The following OCA2 variants were observed in gnomAD, a reference collection of about 807,000 sequenced individuals.
The protein encoded by OCA2 is OCA2 melanosomal transmembrane protein.
In OCA2, 77 loss-of-function variants were observed where a neutral mutation model predicts 100.2. That is an observed-to-expected ratio of 0.77 (90% CI 0.64 to 0.93). The LOEUF (loss-of-function observed/expected upper bound fraction) is 0.93. Among genes scored for constraint, OCA2 ranks in the 40% least tolerant of loss-of-function variants. OCA2 has a pLI of 0.00. For synonymous variants in OCA2, 432 were observed against 439.2 expected, an observed-to-expected ratio of 0.98 and a Z score of 0.21; for missense variants, 1,062 against 1,089.1, an observed-to-expected ratio of 0.98 and a Z score of 0.35.
intron 23 of OCA2, among the ~76,000 whole-genome samples, chr15:27,835,741 C>T (rs191546745): frequency 1.2e-4 from 19 of 152,292 alleles, no homozygotes; most frequent in Admixed American, 3.3e-4. Context: ...TCATCACCCC[C>T]GTCAGTGTGA....
Position 27,823,025 on chromosome 15 carries a change from T to G in OCA2, c.2432+21934A>C, listed in dbSNP as rs143458104. 6.1e-3 allele frequency among the ~76,000 whole-genome samples: 922 copies of G among 152,380 alleles called. 15 individuals carry two copies. The highest frequency in any genetic ancestry group is 0.02 in the African/African-American group (837 of 41,590). On this transcript the variant is annotated intron_variant, in intron 23 of 23. Transcript: ENST00000354638. ...ATCTACGGTCCATATAGAAATGATC[T>G]GTGTGTACGGAATGAGGTAGGGATA...
At chr15:28,004,550 A>G (rs111679558) in intron 9 of OCA2, among the ~76,000 whole-genome samples, 1,771 of 151,738 alleles carry the variant, frequency 0.012, 38 homozygotes, top group African/African-American at 0.041. Flanking sequence ...CCTCCCTCAC[A>G]TGCCCACACA....
chr15:28,065,422 A>T (rs911651198), intron 2 of OCA2, among the ~76,000 whole-genome samples: 1 of 152,130 alleles, frequency 6.6e-6, no homozygotes, highest in Non-Finnish European at 1.5e-5. Flanking sequence ...ACTCTCTGAC[A>T]GTATCTTCAA....
intron 2 of OCA2, among the ~76,000 whole-genome samples, chr15:28,048,414 G>T (rs1218179970): frequency 6.6e-6 from 1 of 152,146 alleles, no homozygotes; most frequent in Non-Finnish European, 1.5e-5. Flanking sequence ...CAGTTTTGTG[G>T]CAAGAGTGCA....
chr15:28,005,065 C>A (rs1460472768), intron 9 of OCA2, among the ~76,000 whole-genome samples: 2 of 152,136 alleles, frequency 1.3e-5, no homozygotes, highest in African/African-American at 4.8e-5. Flanking sequence ...TCGCACTGCC[C>A]CTGCGAGCTG....
chr15:27,805,681 A>AG (rs2033810635), intron 23 of OCA2, among the ~76,000 whole-genome samples: 1 of 152,062 alleles, frequency 6.6e-6, no homozygotes, highest in South Asian at 2.1e-4. Context: ...AGCAGAAATG[A>AG]GGGTGGCAGG....
chr15:28,061,009 C>G (rs1454693189), intron 2 of OCA2, among the ~76,000 whole-genome samples: 1 of 152,224 alleles, frequency 6.6e-6, no homozygotes, highest in East Asian at 1.9e-4. Context: ...TCACAGCTTC[C>G]TGAGGCAGCA....
intron 23 of OCA2, among the ~76,000 whole-genome samples, chr15:27,817,092 G>C (rs1364653630): frequency 2.0e-5 from 3 of 152,088 alleles, no homozygotes; most frequent in Non-Finnish European, 4.4e-5. Context: ...CTGCGCTCCT[G>C]GCATCCTTAC....
intron 19 of OCA2, among the ~76,000 whole-genome samples, chr15:27,901,707 A>C (rs994740259): frequency 1.3e-5 from 2 of 152,262 alleles, no homozygotes; most frequent in African/African-American, 4.8e-5. Flanking sequence ...AAAGGGGAAA[A>C]GCTGATGATA....
At chr15:27,829,993 GTTATT>G (rs1422218296) in intron 23 of OCA2, among the ~76,000 whole-genome samples, 2 of 152,138 alleles carry the variant, frequency 1.3e-5, no homozygotes, top group East Asian at 1.9e-4. Context: ...TTCTCTTGAT[GTTATT>G]TTAAGGTTTA....
chr15:27,958,628 G>A (rs562050545), intron 15 of OCA2, among the ~76,000 whole-genome samples: 2 of 152,302 alleles, frequency 1.3e-5, no homozygotes, highest in East Asian at 3.9e-4. Context: ...GAGAAGAGTA[G>A]AGAGGAAATG....
Position 27,957,473 on chromosome 15 carries a change from A to G in OCA2, c.1784+115T>C. On this transcript the variant is annotated intron_variant, in intron 16 of 23. Coordinates refer to ENST00000354638, the MANE Select transcript of OCA2 (RefSeq NM_000275.3). The surrounding 1 kb of genome is among the most constrained non-coding windows in gnomAD (Gnocchi z 4.3). ...AAATGTACTATAAGAGGCTTAGCACAGTGTGCGTCACCTAAATATCACGTA... is the reference window on the plus strand; with the variant it reads ...AAATGTACTATAAGAGGCTTAGCACGGTGTGCGTCACCTAAATATCACGTA... 1.6e-6 allele frequency: 2 copies of G among 1,242,744 alleles called. No individual in the cohort carries two copies. The highest frequency in any genetic ancestry group is 2.9e-5 in the African/African-American group (2 of 68,102). The allele number at this position is 1,242,744 out of a possible 1,614,324, so 77.0% of individuals were successfully genotyped here. A position where few individuals can be genotyped will look rare whatever the true frequency, so the allele number is the denominator to read the frequency against.
At chr15:27,749,685 A>T in the OCA2 span, among the ~76,000 whole-genome samples, 2 of 152,172 alleles carry the variant, frequency 1.3e-5, no homozygotes, top group Non-Finnish European at 2.9e-5. Flanking sequence ...TCACATTTCT[A>T]CACGTTAATT....
chr15:28,098,624 A>G (rs908618304), intron 1 of OCA2, among the ~76,000 whole-genome samples: 4 of 152,204 alleles, frequency 2.6e-5, no homozygotes, highest in East Asian at 1.9e-4. Context: ...GATTCGCCCA[A>G]TGGGAAGGGA....
At chr15:27,852,296 C>G (rs941408034) in intron 21 of OCA2, among the ~76,000 whole-genome samples, 1 of 152,038 alleles carries the variant, frequency 6.6e-6, no homozygotes, top group Admixed American at 6.6e-5. Flanking sequence ...AGTTTTCCCA[C>G]CACCATTTAT....
the OCA2 span, among the ~76,000 whole-genome samples, chr15:27,740,843 G>C: frequency 9.9e-5 from 15 of 152,212 alleles, no homozygotes; most frequent in Non-Finnish European, 2.9e-5. Flanking sequence ...CAGCAGATCT[G>C]AGAGAAGCTC....
the OCA2 span, among the ~76,000 whole-genome samples, chr15:27,735,440 A>T: frequency 6.1e-4 from 93 of 152,322 alleles, 2 homozygotes; most frequent in South Asian, 0.011. Context: ...GGTAGAAAGG[A>T]TATTTAAAGA....
At chr15:27,970,464 A>C (rs2040736757) in intron 14 of OCA2, among the ~76,000 whole-genome samples, 1 of 152,194 alleles carries the variant, frequency 6.6e-6, no homozygotes, top group Non-Finnish European at 1.5e-5. Context: ...ACGCAGGAAA[A>C]ACGCCCCAGC....
chr15:27,840,578 C>T (rs1193308327), intron 23 of OCA2, among the ~76,000 whole-genome samples: 1 of 152,172 alleles, frequency 6.6e-6, no homozygotes, highest in Non-Finnish European at 1.5e-5. Flanking sequence ...CAGATCAATA[C>T]ACCAGAACAG....
Sources: gnomAD v4.1 joint callset for allele counts (sites outside exome capture counted in the v4.1 genomes callset) on GRCh38, gnomAD v4.1.1 for gene constraint, Gnocchi (gnomAD v3.1) non-coding constraint, MANE v1.5 for transcripts, NCBI Gene and HGNC (gene_info 2026-07-23, HGNC 2026-07-21) for gene names.